The following MGAT5 variants were observed in gnomAD, a reference collection of about 807,000 sequenced individuals.
MGAT5 encodes alpha-1,6-mannosylglycoprotein 6-beta-N-acetylglucosaminyltransferase.
A neutral mutation model predicts 94.3 loss-of-function variants in MGAT5; 30 were observed. The ratio of observed to expected loss-of-function variants is 0.32; its 90% CI spans 0.24 to 0.43. The LOEUF (loss-of-function observed/expected upper bound fraction) is 0.43. Ranked by LOEUF, MGAT5 falls within the 20% of genes least tolerant of loss-of-function variation. The pLI, the probability that MGAT5 is intolerant of heterozygous loss-of-function variation, is 1.00. For synonymous variants in MGAT5, 310 were observed against 322.9 expected (o/e 0.96, Z 0.43); for missense variants, 691 against 905.5 (o/e 0.76, Z 3.04).
At chr2:134,221,529 C>T (rs2105353589) in intron 1 of MGAT5, among the ~76,000 whole-genome samples, 1 of 152,102 alleles carries the variant, frequency 6.6e-6, no homozygotes, top group Non-Finnish European at 1.5e-5. Context: ...ATGCCTGGCT[C>T]TTAGTTGATT....
At chr2:134,434,393 G>A (rs183863723) in intron 14 of MGAT5, among the ~76,000 whole-genome samples, 2 of 152,326 alleles carry the variant, frequency 1.3e-5, no homozygotes, top group South Asian at 4.1e-4. Flanking sequence ...GGATAGTCAA[G>A]CACATTTAGA....
chr2:134,436,629 G>A (rs1685175773), intron 14 of MGAT5, among the ~76,000 whole-genome samples: 2 of 152,172 alleles, frequency 1.3e-5, no homozygotes, highest in South Asian at 2.1e-4. Context: ...TGGACCTGAG[G>A]TGCAAGGTGT....
At chr2:134,411,105 A>G (rs3791304) in intron 11 of MGAT5, among the ~76,000 whole-genome samples, 71,247 of 151,994 alleles carry the variant, frequency 0.47, 18,787 homozygotes, top group African/African-American at 0.71. Context: ...GTTTCCTTCC[A>G]TTTCATCTGC....
rs1380927985 is a variant in MGAT5 at position 134,441,780 on chromosome 2, T to C, written c.1892T>C (p.Met631Thr). The change falls in exon 15 of 16, where the codon ATG becomes ACG. Residue 631 changes from methionine (M) to threonine (T), a missense_variant. Physicochemically the swap from Met to Thr is moderately conservative, Grantham distance 81 (BLOSUM62 -1). Around this residue, in one of 4 missense-constraint regions of MGAT5, gnomAD observed 260 missense variants for 347.0 expected, o/e 0.75. Transcript: ENST00000281923. ...TAGGACTTCTGCCATGGGCAAGTGATGTGGCCACCCCTCAGCGCCCTACAG... is the reference window on the plus strand; with the variant it reads ...TAGGACTTCTGCCATGGGCAAGTGACGTGGCCACCCCTCAGCGCCCTACAG... ...EKQDFCHGQVMWPPLSALQVK... is the reference protein window; with the variant it reads ...EKQDFCHGQVTWPPLSALQVK... 6.2e-7 allele frequency: 1 copy of C among 1,613,126 alleles called. No individual in the cohort carries two copies. Among genetic ancestry groups the C allele is most frequent in the Admixed American group, 1.7e-5 (1 of 59,988 alleles).
chr2:134,196,249 C>G (rs1174991667), intron 1 of MGAT5, among the ~76,000 whole-genome samples: 1 of 152,062 alleles, frequency 6.6e-6, no homozygotes, highest in African/African-American at 2.4e-5. Flanking sequence ...TTTGGATATG[C>G]CTGTGCTTGG....
intron 10 of MGAT5, among the ~76,000 whole-genome samples, chr2:134,381,360 TAGATAGATA>T (rs747327781): frequency 1.1e-4 from 9 of 82,016 alleles, no homozygotes; most frequent in East Asian, 7.2e-4. Context: ...GATAGATAGA[TAGATAGATA>T]AGATAAGATA....
chr2:134,167,366 C>T (rs1688009612), intron 1 of MGAT5, among the ~76,000 whole-genome samples: 1 of 152,150 alleles, frequency 6.6e-6, no homozygotes, highest in Non-Finnish European at 1.5e-5. Context: ...AAGTAATGGC[C>T]CAGCCCACAT....
At chr2:134,281,218 T>C (rs1028049648) in intron 2 of MGAT5, among the ~76,000 whole-genome samples, 3 of 152,238 alleles carry the variant, frequency 2.0e-5, no homozygotes, top group Non-Finnish European at 4.4e-5. Flanking sequence ...AACATCTTCC[T>C]GTGACCTACC....
At chr2:134,233,629 T>C (rs1681482560) in intron 1 of MGAT5, among the ~76,000 whole-genome samples, 1 of 152,230 alleles carries the variant, frequency 6.6e-6, no homozygotes, top group Admixed American at 6.5e-5. Flanking sequence ...GGCTAGGTCC[T>C]TCCACCTTAC....
chr2:134,241,721 C>T (rs1681981729), intron 1 of MGAT5, among the ~76,000 whole-genome samples: 1 of 152,122 alleles, frequency 6.6e-6, no homozygotes, highest in Non-Finnish European at 1.5e-5. Flanking sequence ...TATGTAAACA[C>T]TGAGAAATGA....
chr2:134,335,461 A>G (rs1294362550), intron 4 of MGAT5, among the ~76,000 whole-genome samples: 1 of 152,134 alleles, frequency 6.6e-6, no homozygotes, highest in Admixed American at 6.6e-5. Context: ...AAGTTGCCTA[A>G]TAGTCTTTGA....
intron 15 of MGAT5, among the ~76,000 whole-genome samples, chr2:134,446,579 C>A (rs1055803811): frequency 2.6e-5 from 4 of 152,196 alleles, no homozygotes; most frequent in Non-Finnish European, 4.4e-5. Context: ...CTGCAAGTCT[C>A]TGACTCATTT....
At chr2:134,415,384 T>A (rs1226757795) in intron 12 of MGAT5, among the ~76,000 whole-genome samples, 1 of 152,232 alleles carries the variant, frequency 6.6e-6, no homozygotes, top group Non-Finnish European at 1.5e-5. Flanking sequence ...GTTGAGCACC[T>A]TTTCATATGT....
intron 1 of MGAT5, among the ~76,000 whole-genome samples, chr2:134,135,707 A>G (rs1398863451): frequency 6.6e-6 from 1 of 150,988 alleles, no homozygotes; most frequent in African/African-American, 2.4e-5. Context: ...AAAAAAAAAA[A>G]AAAAAAAGAA....
At position 134,280,854 on chromosome 2, in the gene MGAT5, C is replaced by T. The variant is rs117516146; in HGVS notation, c.406+10304C>T. ...CGTAAGCTTTGGCTATTGCCTCATA[C>T]GCTTCTTAAGTGTCCAACTCAGGTT... is the stretch of plus-strand genomic sequence containing the variant. On this transcript the variant is annotated intron_variant, in intron 2 of 15. Coordinates refer to ENST00000281923, the MANE Select transcript of MGAT5 (RefSeq NM_002410.5). 1.1e-3 allele frequency among the ~76,000 whole-genome samples: 172 copies of T among 152,344 alleles called. No individual in the cohort carries two copies. In the East Asian group the frequency reaches 0.03, roughly 26 times the overall value.
intron 1 of MGAT5, among the ~76,000 whole-genome samples, chr2:134,231,832 G>A (rs1681379001): frequency 6.6e-6 from 1 of 152,188 alleles, no homozygotes; most frequent in Admixed American, 6.5e-5. Flanking sequence ...AGTAGTGGCT[G>A]GTCCTTCTTG....
chr2:134,364,893 C>T (rs933652328), intron 10 of MGAT5, among the ~76,000 whole-genome samples: 6 of 152,234 alleles, frequency 3.9e-5, no homozygotes, highest in African/African-American at 1.4e-4. Flanking sequence ...TTAGTGAATG[C>T]ACACAGAAAA....
At chr2:134,283,673 T>TG (rs1445950993) in intron 2 of MGAT5, among the ~76,000 whole-genome samples, 1 of 122,734 alleles carries the variant, frequency 8.1e-6, no homozygotes, top group African/African-American at 3.2e-5. Flanking sequence ...TTTTTTTTTT[T>TG]ACAGAAACTC....
At chr2:134,151,003 A>T (rs1310155228) in intron 1 of MGAT5, among the ~76,000 whole-genome samples, 2 of 152,132 alleles carry the variant, frequency 1.3e-5, no homozygotes, top group Non-Finnish European at 2.9e-5. Context: ...CCACCCCTGC[A>T]TGTTCTGTAC....
Sources: allele counts gnomAD v4.1 joint callset (sites outside exome capture counted in the v4.1 genomes callset), GRCh38; gene constraint gnomAD v4.1.1; regional missense constraint gnomAD v4.1.1; transcripts MANE v1.5; gene names NCBI Gene and HGNC (gene_info 2026-07-23, HGNC 2026-07-21).